SORCS1: variants seen among roughly 807,000 people sequenced by gnomAD.
The protein encoded by SORCS1 is VPS10 domain-containing receptor SorCS1.
SORCS1 carries 60 observed loss-of-function variants against 146.1 expected under a neutral mutation model. The ratio of observed to expected loss-of-function variants is 0.41; its 90% CI spans 0.33 to 0.51. The LOEUF is 0.51. Among genes scored for constraint, SORCS1 ranks in the 20% least tolerant of loss-of-function variants. SORCS1 has a pLI of 0.21. For synonymous variants in SORCS1, 637 were observed against 584.0 expected (o/e 1.09, Z -1.31); for missense variants, 1,352 against 1,487.6 (o/e 0.91, Z 1.50).
chr10:106,839,322 T>C (rs527706398), intron 2 of SORCS1, among the ~76,000 whole-genome samples: 1 of 152,318 alleles, frequency 6.6e-6, no homozygotes, highest in Admixed American at 6.5e-5. Flanking sequence ...CAAACAGGTT[T>C]ATTGCTGATA....
chr10:106,764,956 G>A (rs1214977443), intron 4 of SORCS1, among the ~76,000 whole-genome samples: 2 of 149,322 alleles, frequency 1.3e-5, no homozygotes, highest in African/African-American at 5.0e-5. Context: ...CTGGGATGTG[G>A]AGCTTGCAGT....
intron 20 of SORCS1, among the ~76,000 whole-genome samples, chr10:106,618,969 G>A (rs1204996896): frequency 6.6e-6 from 1 of 152,036 alleles, no homozygotes; most frequent in Non-Finnish European, 1.5e-5. Flanking sequence ...TTAGCCTACT[G>A]ACCTCCCTTG....
chr10:106,724,067 A>T (rs1855973793), intron 6 of SORCS1, among the ~76,000 whole-genome samples: 1 of 152,222 alleles, frequency 6.6e-6, no homozygotes, highest in East Asian at 1.9e-4. Context: ...GAGCATAAAT[A>T]ATATTTTCAG....
intron 24 of SORCS1, 43 bp from the exon 25 acceptor site, chr10:106,579,517 G>A: frequency 6.3e-7 from 1 of 1,598,234 alleles, no homozygotes; most frequent in Non-Finnish European, 8.6e-7. Context: ...CAGAGAACTG[G>A]GCAGGTGAGA....
At chr10:107,024,995 A>G (rs182428453) in intron 1 of SORCS1, among the ~76,000 whole-genome samples, 8 of 152,332 alleles carry the variant, frequency 5.3e-5, no homozygotes, top group Admixed American at 2.6e-4. Context: ...TAGTATTATC[A>G]GTACTAGAGT....
At chr10:106,887,599 C>A (rs1951049914) in intron 2 of SORCS1, among the ~76,000 whole-genome samples, 1 of 151,976 alleles carries the variant, frequency 6.6e-6, no homozygotes, top group African/African-American at 2.4e-5. Flanking sequence ...ATAAATATAA[C>A]CTCCTAATAA....
intron 9 of SORCS1, among the ~76,000 whole-genome samples, chr10:106,697,493 G>A (rs2135726704): frequency 6.6e-6 from 1 of 152,150 alleles, no homozygotes; most frequent in Non-Finnish European, 1.5e-5. Flanking sequence ...CAACTACTTG[G>A]TATAAAGAAT....
chr10:106,616,055 G>A (rs1164536409), intron 21 of SORCS1, among the ~76,000 whole-genome samples: 1 of 152,170 alleles, frequency 6.6e-6, no homozygotes, highest in African/African-American at 2.4e-5. Context: ...CTTCATCAAT[G>A]TCAATTACTA....
intron 1 of SORCS1, among the ~76,000 whole-genome samples, chr10:106,996,441 T>C (rs1013804462): frequency 6.6e-6 from 1 of 152,154 alleles, no homozygotes; most frequent in Non-Finnish European, 1.5e-5. Context: ...CAGAAGGGTA[T>C]GCTACAGACA....
At chr10:107,092,645 A>G (rs1964271750) in intron 1 of SORCS1, among the ~76,000 whole-genome samples, 1 of 152,220 alleles carries the variant, frequency 6.6e-6, no homozygotes, top group African/African-American at 2.4e-5. Context: ...AACAGGCTTA[A>G]GAACTAAGCA....
intron 1 of SORCS1, among the ~76,000 whole-genome samples, chr10:106,963,679 G>A (rs542337130): frequency 3.3e-5 from 5 of 151,484 alleles, no homozygotes; most frequent in Admixed American, 6.6e-5. Context: ...CTGGGGGGGG[G>A]CCATACATCC....
intron 1 of SORCS1, among the ~76,000 whole-genome samples, chr10:107,010,123 G>A (rs1957633456): frequency 6.6e-6 from 1 of 152,162 alleles, no homozygotes; most frequent in Admixed American, 6.5e-5. Flanking sequence ...CACAACACCT[G>A]TTTTCAAATG....
chr10:106,895,949 G>GTATATATATATATA (rs112254770), intron 2 of SORCS1, among the ~76,000 whole-genome samples: 4 of 150,884 alleles, frequency 2.7e-5, no homozygotes, highest in East Asian at 3.9e-4. Flanking sequence ...ATGTGTGTGT[G>GTATATATATATATA]TGTATATATA....
the SORCS1 span, among the ~76,000 whole-genome samples, chr10:107,176,841 G>A: frequency 2.0e-5 from 3 of 151,874 alleles, no homozygotes; most frequent in Admixed American, 2.0e-4. Flanking sequence ...TATATATATA[G>A]TGTTTTATAT....
intron 23 of SORCS1, among the ~76,000 whole-genome samples, chr10:106,604,221 T>A (rs532804399): frequency 6.6e-6 from 1 of 152,298 alleles, no homozygotes; most frequent in African/African-American, 2.4e-5. Context: ...TCTGAATTCA[T>A]CTATGCCTCA....
chr10:106,787,038 T>C (rs1946088997), intron 3 of SORCS1, among the ~76,000 whole-genome samples: 1 of 152,204 alleles, frequency 6.6e-6, no homozygotes, highest in East Asian at 1.9e-4. Context: ...TCAGGGTACA[T>C]AAATTACCCA....
chr10:106,698,863 TC>T (rs1193292308), intron 9 of SORCS1, among the ~76,000 whole-genome samples: 1 of 152,050 alleles, frequency 6.6e-6, no homozygotes, highest in African/African-American at 2.4e-5. Context: ...GCATCCACCA[TC>T]CCTTTACTCA....
chr10:107,088,068 A>G (rs960436762), intron 1 of SORCS1, among the ~76,000 whole-genome samples: 10 of 151,640 alleles, frequency 6.6e-5, no homozygotes, highest in Non-Finnish European at 1.0e-4. Flanking sequence ...ACAGGCACCC[A>G]CCACCACGCC....
intron 5 of SORCS1, among the ~76,000 whole-genome samples, chr10:106,738,822 T>C (rs970181898): frequency 6.6e-6 from 1 of 151,946 alleles, no homozygotes; most frequent in South Asian, 2.1e-4. Context: ...CCAGACCCCA[T>C]CTCTATTAAA....
Sources: allele counts gnomAD v4.1 joint callset (sites outside exome capture counted in the v4.1 genomes callset), GRCh38; gene constraint gnomAD v4.1.1; transcripts MANE v1.5; gene names NCBI Gene and HGNC (gene_info 2026-07-23, HGNC 2026-07-21).